Variants in KIF13A observed in about 807,000 individuals in gnomAD.
The protein encoded by KIF13A is kinesin-like protein KIF13A.
In KIF13A, 79 loss-of-function variants were observed where a neutral mutation model predicts 212.2. The ratio of observed to expected loss-of-function variants is 0.37; its 90% CI spans 0.31 to 0.45. The LOEUF (loss-of-function observed/expected upper bound fraction) is 0.45. KIF13A is among the 20% of genes least tolerant of loss of function. The pLI is 1.00. For missense variants in KIF13A, 1,901 were observed against 2,209.0 expected, an observed-to-expected ratio of 0.86 and a Z score of 2.79; for synonymous variants, 789 against 808.6, an observed-to-expected ratio of 0.98 and a Z score of 0.41.
chr6:17,865,685 C>T (rs1051865514), intron 4 of KIF13A, among the ~76,000 whole-genome samples: 1 of 152,230 alleles, frequency 6.6e-6, no homozygotes, highest in African/African-American at 2.4e-5. Flanking sequence ...GATAAAGAAA[C>T]TGAAGCTGTA....
chr6:17,975,149 G>A (rs984529127), intron 2 of KIF13A, among the ~76,000 whole-genome samples: 11 of 152,102 alleles, frequency 7.2e-5, no homozygotes, highest in Admixed American at 2.0e-4. Flanking sequence ...TTTAAGGCCA[G>A]CCTGGCCAAC....
chr6:17,832,358 A>G (rs758093372), intron 12 of KIF13A, among the ~76,000 whole-genome samples: 3 of 152,180 alleles, frequency 2.0e-5, no homozygotes, highest in African/African-American at 4.8e-5. Flanking sequence ...ATGATATGCT[A>G]TACGTTACAA....
At chr6:17,875,481 G>A (rs1770467111) in intron 3 of KIF13A, among the ~76,000 whole-genome samples, 2 of 144,598 alleles carry the variant, frequency 1.4e-5, no homozygotes. Flanking sequence ...TTGAGACAGA[G>A]TCTCACTCTG....
intron 22 of KIF13A, among the ~76,000 whole-genome samples, chr6:17,798,855 A>G (rs944453771): frequency 6.6e-6 from 1 of 152,218 alleles, no homozygotes; most frequent in African/African-American, 2.4e-5. Context: ...AATCAGATGT[A>G]TAGCAACTTA....
intron 4 of KIF13A, among the ~76,000 whole-genome samples, chr6:17,865,334 A>AT (rs1316717060): frequency 8.6e-6 from 1 of 116,656 alleles, no homozygotes. Flanking sequence ...AGGAAAAAAA[A>AT]AAAATAAAGG....
rs760486338 is a variant in KIF13A at position 17,834,119 on chromosome 6, T to C, written c.1156-48A>G. The C allele has an allele frequency of 6.0e-6, 7 of 1,160,526 alleles. No homozygotes were observed. The Admixed American group carries it at 1.6e-4, about 27-fold the overall frequency. The allele number at this position is 1,160,526 out of a possible 1,614,324, so 71.9% of individuals were successfully genotyped here. A position where few individuals can be genotyped will look rare whatever the true frequency, so the allele number is the denominator to read the frequency against. ...TCTGATGTTCAAAATTTTTCCACCA[T>C]CATATACAAGACAATCAGTTACTGT... On this transcript the variant is annotated intron_variant, in intron 11 of 38. Transcript: ENST00000259711. This position sits in a 1 kb window ranked among gnomAD's most constrained non-coding sequence, Gnocchi z 4.0.
At chr6:17,931,928 G>C (rs1776018696) in intron 2 of KIF13A, among the ~76,000 whole-genome samples, 1 of 152,098 alleles carries the variant, frequency 6.6e-6, no homozygotes, top group Non-Finnish European at 1.5e-5. Flanking sequence ...TTTCCTTCTA[G>C]ATTTGTTTCT....
chr6:17,922,929 A>G (rs888890967), intron 2 of KIF13A, among the ~76,000 whole-genome samples: 3 of 151,654 alleles, frequency 2.0e-5, no homozygotes, highest in African/African-American at 7.3e-5. Flanking sequence ...CAGCCTGCAC[A>G]TATGTTTTAC....
Position 17,969,483 on chromosome 6 carries a change from G to A in KIF13A, c.146+17571C>T, listed in dbSNP as rs890045361. Among the ~76,000 whole-genome samples, 3 of 152,298 alleles carry A rather than the reference G, an allele frequency of 2.0e-5. No homozygotes were observed. In the East Asian group the frequency reaches 5.8e-4, roughly 29 times the overall value. ...CATAGACTGCCAATACTACTTAGTC[G>A]TAAATGATTTCTGAGGAAATGACTG... On this transcript the variant is annotated intron_variant, in intron 2 of 38. Coordinates refer to ENST00000259711, the MANE Select transcript of KIF13A (RefSeq NM_022113.6).
intron 38 of KIF13A, among the ~76,000 whole-genome samples, chr6:17,767,844 A>T (rs927263990): frequency 6.6e-6 from 1 of 152,244 alleles, no homozygotes. Context: ...GAATTCACTG[A>T]GTAGAAATAG....
chr6:17,948,664 C>A (rs114363316), intron 2 of KIF13A, among the ~76,000 whole-genome samples: 5 of 143,200 alleles, frequency 3.5e-5, no homozygotes, highest in Admixed American at 3.0e-4. Flanking sequence ...CAGGTTCAAG[C>A]GATTCTCTGC....
At chr6:17,864,670 A>T (rs887908290) in intron 4 of KIF13A, among the ~76,000 whole-genome samples, 7 of 151,988 alleles carry the variant, frequency 4.6e-5, no homozygotes, top group Admixed American at 1.3e-4. Flanking sequence ...TTTTATTTTT[A>T]TTTTTTAGTA....
chr6:17,857,048 G>A (rs904608083), intron 4 of KIF13A, among the ~76,000 whole-genome samples: 25 of 152,256 alleles, frequency 1.6e-4, no homozygotes, highest in African/African-American at 5.8e-4. Flanking sequence ...GAAAGAATGA[G>A]TCAATTTAAC....
At chr6:17,873,464 T>C in intron 3 of KIF13A, 27 bp from the exon 4 acceptor site, 4 of 1,467,648 alleles carry the variant, frequency 2.7e-6, no homozygotes, top group Non-Finnish European at 2.8e-6. Flanking sequence ...AATATTAAAC[T>C]TAAAGATTAA....
chr6:17,889,291 G>A (rs908373273), intron 3 of KIF13A, among the ~76,000 whole-genome samples: 9 of 152,144 alleles, frequency 5.9e-5, no homozygotes, highest in African/African-American at 2.2e-4. Flanking sequence ...TTGTTATAAT[G>A]TAGTCAATTT....
intron 4 of KIF13A, 58 bp downstream of exon 4, chr6:17,873,319 A>T: frequency 8.7e-7 from 1 of 1,152,430 alleles, no homozygotes; most frequent in South Asian, 1.4e-5. Flanking sequence ...AAGAAAATAA[A>T]CTCAATGGAA....
In KIF13A at chr6:17,914,260, C is replaced by T. The variant is rs1040316642; in HGVS notation, c.147-16080G>A. On this transcript the variant is annotated intron_variant, in intron 2 of 38. Transcript: ENST00000259711. The surrounding 1 kb of genome is among the most constrained non-coding windows in gnomAD (Gnocchi z 5.9). ...TTAAACTACATTATTTATAGTGACCCTTGTTTTTCACTAAAAAAGTGATGC... is the reference window on the plus strand; with the variant it reads ...TTAAACTACATTATTTATAGTGACCTTTGTTTTTCACTAAAAAAGTGATGC... Among the ~76,000 whole-genome samples the T allele has an allele frequency of 5.3e-5, 8 of 152,048 alleles. No individual in the cohort carries two copies. Among genetic ancestry groups the T allele is most frequent in the South Asian group, 2.1e-4 (1 of 4,826 alleles).
chr6:17,805,404 TGTG>T, intron 19 of KIF13A, 68 bp downstream of exon 19: 10 of 850,064 alleles, frequency 1.2e-5, no homozygotes, highest in Non-Finnish European at 1.9e-5. Context: ...TGTGTGTGTG[TGTG>T]TTGCTAAATC....
Position 17,906,434 on chromosome 6 carries a change from C to T in KIF13A, c.147-8254G>A, listed in dbSNP as rs553837884. ...CTTTCCCCTTCCCCCTTCCCTTTCCCTTTTTCTCTTTCTTTCTTCTTTTTT... is the reference window on the plus strand; with the variant it reads ...CTTTCCCCTTCCCCCTTCCCTTTCCTTTTTTCTCTTTCTTTCTTCTTTTTT... On this transcript the variant is annotated intron_variant, in intron 2 of 38. Transcript: ENST00000259711. Among the ~76,000 whole-genome samples, 47 of 139,584 alleles carry T rather than the reference C, an allele frequency of 3.4e-4. No individual in the cohort carries two copies. In the East Asian group the frequency reaches 8.5e-3, roughly 25 times the overall value. 91.6% of individuals were successfully genotyped at this position (139,584 alleles called of 152,430 possible).
Sources: allele counts gnomAD v4.1 joint callset (sites outside exome capture counted in the v4.1 genomes callset), GRCh38; gene constraint gnomAD v4.1.1; non-coding constraint Gnocchi (gnomAD v3.1); transcripts MANE v1.5; gene names NCBI Gene and HGNC (gene_info 2026-07-23, HGNC 2026-07-21).